CPNE3: variants seen among roughly 807,000 people sequenced by gnomAD.
CPNE3 encodes the protein copine-3.
Under a neutral mutation model 63.9 loss-of-function variants are expected in CPNE3, and 68 were observed. The observed-to-expected ratio is 1.06, with a 90% CI of 0.87 to 1.30. CPNE3 has a LOEUF of 1.30. CPNE3 is among the 50% of genes most tolerant of loss of function. The pLI is 0.00. For synonymous variants in CPNE3, 219 were observed against 197.5 expected, an observed-to-expected ratio of 1.11 and a Z score of -0.91; for missense variants, 665 against 578.1, an observed-to-expected ratio of 1.15 and a Z score of -1.54.
At chr8:86,538,848 C>T (rs1218587405) in intron 7 of CPNE3, among the ~76,000 whole-genome samples, 1 of 152,150 alleles carries the variant, frequency 6.6e-6, no homozygotes, top group Non-Finnish European at 1.5e-5. Context: ...TGGTGACCGC[C>T]AGATCTCACC....
chr8:86,519,464 A>T (rs1304818195), intron 2 of CPNE3, among the ~76,000 whole-genome samples: 1 of 152,244 alleles, frequency 6.6e-6, no homozygotes, highest in African/African-American at 2.4e-5. Flanking sequence ...TAGTTTAAGA[A>T]TCTGGAAACT....
At chr8:86,516,820 C>T (rs1367747413) in intron 2 of CPNE3, among the ~76,000 whole-genome samples, 1 of 152,038 alleles carries the variant, frequency 6.6e-6, no homozygotes, top group Non-Finnish European at 1.5e-5. Flanking sequence ...GTTCTTTAGT[C>T]AGTGATTTAT....
intron 11 of CPNE3, among the ~76,000 whole-genome samples, chr8:86,548,083 A>G (rs10090963): frequency 0.24 from 35,967 of 152,170 alleles, 4,425 homozygotes; most frequent in Non-Finnish European, 0.27. Context: ...AATGGATACA[A>G]TAATTCATTA....
At chr8:86,528,295 A>C (rs1820584283) in intron 2 of CPNE3, among the ~76,000 whole-genome samples, 1 of 152,108 alleles carries the variant, frequency 6.6e-6, no homozygotes, top group South Asian at 2.1e-4. Flanking sequence ...GCTGTATTTT[A>C]CTGTCATTCA....
intron 2 of CPNE3, among the ~76,000 whole-genome samples, chr8:86,524,170 T>C (rs1820491668): frequency 6.6e-6 from 1 of 151,992 alleles, no homozygotes; most frequent in Non-Finnish European, 1.5e-5. Context: ...AGATTTGGGG[T>C]TCTAGTAGGC....
intron 9 of CPNE3, among the ~76,000 whole-genome samples, chr8:86,546,191 A>T (rs1490125284): frequency 6.6e-6 from 1 of 151,214 alleles, no homozygotes; most frequent in Non-Finnish European, 1.5e-5. Context: ...TTTGCAGCAT[A>T]TTTTCGTTCT....
chr8:86,543,814 T>C (rs1489202249), intron 8 of CPNE3, among the ~76,000 whole-genome samples: 1 of 152,106 alleles, frequency 6.6e-6, no homozygotes, highest in Admixed American at 6.5e-5. Flanking sequence ...TGTTTTGAGA[T>C]AAAATACTAT....
At chr8:86,539,667 T>G (rs1171919299) in intron 7 of CPNE3, among the ~76,000 whole-genome samples, 5 of 145,938 alleles carry the variant, frequency 3.4e-5, no homozygotes, top group African/African-American at 1.3e-4. Context: ...GCAGTTTTTT[T>G]TTTTTTTTTT....
intron 16 of CPNE3, among the ~76,000 whole-genome samples, chr8:86,556,717 A>G (rs186440874): frequency 1.3e-5 from 2 of 152,300 alleles, no homozygotes; most frequent in African/African-American, 4.8e-5. Context: ...TTGCAGAGCT[A>G]TAGTACAGAA....
At chr8:86,525,477 T>C (rs1289192869) in intron 2 of CPNE3, among the ~76,000 whole-genome samples, 2 of 152,198 alleles carry the variant, frequency 1.3e-5, no homozygotes, top group African/African-American at 2.4e-5. Context: ...CAGGATAACA[T>C]TGAGACCAGC....
intron 11 of CPNE3, 87 bp from the exon 12 acceptor site, chr8:86,548,214 G>A (rs1821096454): frequency 7.0e-7 from 1 of 1,424,736 alleles, no homozygotes; most frequent in Admixed American, 2.0e-5. Flanking sequence ...ATGCATGATT[G>A]TATCCCATCT....
At position 86,544,826 on chromosome 8, in the gene CPNE3, C is replaced by A; in HGVS notation, c.720C>A (p.Ser240=). 1 of 1,580,944 alleles carries A rather than the reference C, an allele frequency of 6.3e-7. No individual in the cohort carries two copies. The highest frequency in any genetic ancestry group is 8.6e-7 in the Non-Finnish European group (1 of 1,160,858). ...QTTMTKLKEA[S]RSSPVEFECI... is the part of the protein sequence containing the mutation. The stretch of plus-strand genomic sequence containing the variant: ...CCATGACAAAACTGAAAGAAGCCTC[C>A]AGAAGCTCACCTGTAAGTTACATCC... The change falls in exon 9 of 17, where the codon TCC becomes TCA. Residue 240 remains serine, a synonymous_variant. Coordinates refer to ENST00000517490, the MANE Select transcript of CPNE3 (RefSeq NM_003909.5).
chr8:86,527,291 G>T (rs781314511), intron 2 of CPNE3, among the ~76,000 whole-genome samples: 1 of 152,112 alleles, frequency 6.6e-6, no homozygotes, highest in Non-Finnish European at 1.5e-5. Context: ...GATGGGAAAT[G>T]CAATGCCTAG....
chr8:86,545,028 A>G (rs1188945845), intron 9 of CPNE3, 190 bp downstream of exon 9: 1 of 336,948 alleles, frequency 3.0e-6, no homozygotes, highest in Admixed American at 4.8e-5. Flanking sequence ...TGAGCAGAAC[A>G]CCACGTAACA....
chr8:86,543,865 T>C (rs1391983846), intron 8 of CPNE3, among the ~76,000 whole-genome samples: 1 of 152,144 alleles, frequency 6.6e-6, no homozygotes, highest in Non-Finnish European at 1.5e-5. Flanking sequence ...CAGTCAATTT[T>C]CAGCTTCCCT....
chr8:86,529,763 A>T (rs1292780396), intron 4 of CPNE3, among the ~76,000 whole-genome samples: 1 of 152,138 alleles, frequency 6.6e-6, no homozygotes, highest in Non-Finnish European at 1.5e-5. Flanking sequence ...TCATAAGGAG[A>T]GATTATGACC....
At chr8:86,521,244 TAA>T (rs1335181779) in intron 2 of CPNE3, among the ~76,000 whole-genome samples, 1 of 152,158 alleles carries the variant, frequency 6.6e-6, no homozygotes, top group Non-Finnish European at 1.5e-5. Context: ...TTCTTAGCCT[TAA>T]GTAATTTACA....
At chr8:86,534,849 A>T (rs1554600884) in intron 6 of CPNE3, among the ~76,000 whole-genome samples, 2 of 152,212 alleles carry the variant, frequency 1.3e-5, no homozygotes, top group Admixed American at 1.3e-4. Context: ...TTTCAAAATT[A>T]TAAGTTGGTT....
At chr8:86,536,751 T>C (rs1820811105) in intron 6 of CPNE3, among the ~76,000 whole-genome samples, 1 of 152,194 alleles carries the variant, frequency 6.6e-6, no homozygotes, top group Non-Finnish European at 1.5e-5. Flanking sequence ...AAAATGAAGA[T>C]ACATGAAAAT....
Sources: allele counts gnomAD v4.1 joint callset (sites outside exome capture counted in the v4.1 genomes callset), GRCh38; gene constraint gnomAD v4.1.1; transcripts MANE v1.5; gene names NCBI Gene and HGNC (gene_info 2026-07-23, HGNC 2026-07-21).